The following PARL variants were observed in gnomAD, a reference collection of about 807,000 sequenced individuals.
PARL encodes the protein presenilin associated rhomboid like, also known as presenilin-associated rhomboid-like protein, mitochondrial.
A neutral mutation model predicts 51.6 loss-of-function variants in PARL; 44 were observed. That is an observed-to-expected ratio of 0.85 (90% CI 0.67 to 1.10). PARL has a LOEUF of 1.10. Ranked by LOEUF, PARL falls within the 50% of genes least tolerant of loss-of-function variation. The probability of loss-of-function intolerance (pLI) is 0.00; values close to 1 mark genes in which losing one functional copy is unlikely to be tolerated. For synonymous variants in PARL, 172 were observed against 164.0 expected, an observed-to-expected ratio of 1.05 and a Z score of -0.37; for missense variants, 441 against 469.5, an observed-to-expected ratio of 0.94 and a Z score of 0.56.
At chr3:183,882,407 A>G (rs1383225611) in intron 1 of PARL, among the ~76,000 whole-genome samples, 2 of 139,208 alleles carry the variant, frequency 1.4e-5, no homozygotes, top group Non-Finnish European at 3.1e-5. Context: ...ATATACACAC[A>G]CATATATATA....
At chr3:183,845,605 T>C (rs1328584846) in intron 4 of PARL, among the ~76,000 whole-genome samples, 2 of 152,146 alleles carry the variant, frequency 1.3e-5, no homozygotes, top group Non-Finnish European at 2.9e-5. Flanking sequence ...GGGACAGCAT[T>C]TATGCAAAGA....
chr3:183,852,563 A>G (rs1730673559), intron 4 of PARL, among the ~76,000 whole-genome samples: 1 of 152,112 alleles, frequency 6.6e-6, no homozygotes, highest in East Asian at 1.9e-4. Context: ...AAAGTCCTGG[A>G]AATAGATAGT....
intron 1 of PARL, among the ~76,000 whole-genome samples, chr3:183,881,277 G>A (rs1577403734): frequency 6.6e-6 from 1 of 151,498 alleles, no homozygotes; most frequent in Non-Finnish European, 1.5e-5. Flanking sequence ...CCCTGCCACC[G>A]TGCCTGGCTA....
At chr3:183,839,604 G>T (rs1432643230) in intron 7 of PARL, among the ~76,000 whole-genome samples, 1 of 151,912 alleles carries the variant, frequency 6.6e-6, no homozygotes, top group East Asian at 1.9e-4. Context: ...TTTTCAGGAG[G>T]GACAGGGTTT....
At chr3:183,875,742 A>G (rs1323120124) in intron 1 of PARL, among the ~76,000 whole-genome samples, 3 of 152,208 alleles carry the variant, frequency 2.0e-5, no homozygotes, top group African/African-American at 7.2e-5. Flanking sequence ...GAAGGTGGCT[A>G]CACTAAACAG....
intron 1 of PARL, 47 bp downstream of exon 1, chr3:183,884,675 A>T (rs1054951941): frequency 1.3e-6 from 2 of 1,563,248 alleles, no homozygotes; most frequent in African/African-American, 2.7e-5. Flanking sequence ...ACACGGCCAG[A>T]GCTCAGGGAC....
intron 1 of PARL, among the ~76,000 whole-genome samples, chr3:183,878,116 T>C (rs764349436): frequency 6.6e-6 from 1 of 152,192 alleles, no homozygotes; most frequent in African/African-American, 2.4e-5. Context: ...GACTGCTTAA[T>C]CAGAGCTGGA....
chr3:183,863,373 A>T (rs868440823), intron 3 of PARL, among the ~76,000 whole-genome samples: 1 of 152,158 alleles, frequency 6.6e-6, no homozygotes, highest in South Asian at 2.1e-4. Context: ...AGGGAAAAAA[A>T]GGGAAATAGA....
chr3:183,884,676 G>A, intron 1 of PARL, 46 bp downstream of exon 1: 1 of 1,564,578 alleles, frequency 6.4e-7, no homozygotes, highest in Non-Finnish European at 8.7e-7. Flanking sequence ...CACGGCCAGA[G>A]CTCAGGGACC....
rs1032506549 is a variant in PARL, at chr3:183,829,836, T to C, written c.1029-127A>G. On this transcript the variant is annotated intron_variant, in intron 9 of 9. Transcript: ENST00000317096. ...CACTCACTATGTAGCCGATTAAAACTGACTCACATCGAGAAATGGTTTAGC... is the reference window on the plus strand; with the variant it reads ...CACTCACTATGTAGCCGATTAAAACCGACTCACATCGAGAAATGGTTTAGC... The C allele has an allele frequency of 1.8e-5, 14 of 792,186 alleles. No homozygotes were observed. In the African/African-American group the frequency reaches 2.4e-4, roughly 13 times the overall value. The allele number at this position is 792,186 out of a possible 1,614,324, so 49.1% of individuals were successfully genotyped here. A position where few individuals can be genotyped will look rare whatever the true frequency, so the allele number is the denominator to read the frequency against.
In PARL at chr3:183,862,930, A is replaced by G. The variant is rs866055331; in HGVS notation, c.463-129T>C. 4.1e-4 allele frequency: 313 copies of G among 767,526 alleles called. 1 individual carries two copies. In the Middle Eastern group the frequency reaches 8.0e-3, roughly 20 times the overall value. 47.5% of individuals were successfully genotyped at this position (767,526 alleles called of 1,614,324 possible). A position where few individuals can be genotyped will look rare whatever the true frequency, so the allele number is the denominator to read the frequency against. ...GCAAAAATCACTGGTGGTCACAGAC[A>G]TAATAAATACGTGGTAGAGTGGAAA... On this transcript the variant is annotated intron_variant, in intron 3 of 9. Coordinates refer to ENST00000317096, the MANE Select transcript of PARL (RefSeq NM_018622.7).
chr3:183,834,886 C>CAAAAAAAAAAAAAAAAAA (rs60078452), intron 7 of PARL, among the ~76,000 whole-genome samples: 2 of 108,680 alleles, frequency 1.8e-5, no homozygotes. Flanking sequence ...ACTAAAAATA[C>CAAAAAAAAAAAAAAAAAA]AAAAAAAAAA....
intron 1 of PARL, among the ~76,000 whole-genome samples, chr3:183,868,315 A>C (rs1022068100): frequency 6.6e-6 from 1 of 152,128 alleles, no homozygotes; most frequent in Non-Finnish European, 1.5e-5. Flanking sequence ...CAACAAAATA[A>C]TTTGTATCCA....
intron 4 of PARL, among the ~76,000 whole-genome samples, chr3:183,849,899 C>T (rs1203431142): frequency 6.6e-6 from 1 of 152,092 alleles, no homozygotes; most frequent in Non-Finnish European, 1.5e-5. Context: ...CTACAAAATA[C>T]AATGAACAAT....
intron 4 of PARL, 118 bp downstream of exon 4, chr3:183,862,635 A>G (rs1731967380): frequency 1.3e-6 from 1 of 782,790 alleles, no homozygotes; most frequent in Admixed American, 1.8e-5. Context: ...ATCAGTACAG[A>G]GACTGTCTTC....
At chr3:183,826,796 TG>T, downstream of PARL, 1 of 985,298 alleles carries the variant, frequency 1.0e-6, no homozygotes, top group African/African-American at 1.7e-5. Flanking sequence ...GCCACGGCCC[TG>T]GGTTAGCCAG....
At position 183,882,224 on chromosome 3, in the gene PARL, T is replaced by C. The variant is rs1203842255; in HGVS notation, c.125+2498A>G. Among the ~76,000 whole-genome samples the C allele has an allele frequency of 2.3e-4, 7 of 30,502 alleles. 1 individual carries two copies. In the South Asian group the frequency reaches 7.4e-3, roughly 32 times the overall value. The allele number at this position is 30,502 out of a possible 152,430, so 20.0% of individuals were successfully genotyped here. A position where few individuals can be genotyped will look rare whatever the true frequency, so the allele number is the denominator to read the frequency against. On this transcript the variant is annotated intron_variant, in intron 1 of 9. Coordinates refer to ENST00000317096, the MANE Select transcript of PARL (RefSeq NM_018622.7). ...GTCTCTAAAAAAAAAAAAAAAAAAATATATATATATATATATATATTTATA... is the reference window on the plus strand; with the variant it reads ...GTCTCTAAAAAAAAAAAAAAAAAAACATATATATATATATATATATTTATA...
chr3:183,882,247 A>ATATATATT (rs1734581554), intron 1 of PARL, among the ~76,000 whole-genome samples: 3 of 23,314 alleles, frequency 1.3e-4, no homozygotes, highest in African/African-American at 3.0e-4. Flanking sequence ...ATATATATTT[A>ATATATATT]TATATATATA....
intron 1 of PARL, among the ~76,000 whole-genome samples, chr3:183,877,523 C>T (rs1486711203): frequency 6.6e-6 from 1 of 152,142 alleles, no homozygotes; most frequent in Non-Finnish European, 1.5e-5. Flanking sequence ...TCACATGCTA[C>T]TGAGAAATCT....
Sources: gnomAD v4.1 joint callset for allele counts (sites outside exome capture counted in the v4.1 genomes callset) on GRCh38, gnomAD v4.1.1 for gene constraint, MANE v1.5 for transcripts, NCBI Gene and HGNC (gene_info 2026-07-23, HGNC 2026-07-21) for gene names.